The following NRG3 variants were observed in gnomAD, a reference collection of about 807,000 sequenced individuals.
NRG3 encodes the protein pro-neuregulin-3, membrane-bound isoform.
Under a neutral mutation model 66.9 loss-of-function variants are expected in NRG3, and 31 were observed. The ratio of observed to expected loss-of-function variants is 0.46; its 90% CI spans 0.35 to 0.63. NRG3 has a LOEUF of 0.63. Ranked by LOEUF, NRG3 falls within the 20% of genes least tolerant of loss-of-function variation. NRG3 has a pLI of 0.00. For synonymous variants in NRG3, 393 were observed against 359.4 expected, an observed-to-expected ratio of 1.09 and a Z score of -1.06; for missense variants, 910 against 878.9, an observed-to-expected ratio of 1.04 and a Z score of -0.45.
At chr10:82,225,893 G>A (rs1171402442) in intron 1 of NRG3, among the ~76,000 whole-genome samples, 1 of 152,076 alleles carries the variant, frequency 6.6e-6, no homozygotes, top group African/African-American at 2.4e-5. Flanking sequence ...TTAAGATCAC[G>A]TGGCATATTT....
chr10:81,987,420 C>A (rs1159123578), intron 1 of NRG3, among the ~76,000 whole-genome samples: 1 of 152,108 alleles, frequency 6.6e-6, no homozygotes, highest in Non-Finnish European at 1.5e-5. Flanking sequence ...AGAAATAAAA[C>A]CTTTATTTTT....
chr10:81,875,351 G>T lies in NRG3; in HGVS notation c.11G>T (p.Gly4Val). The T allele has an allele frequency of 1.0e-6, 1 of 989,254 alleles. No homozygotes were observed. The highest frequency in any genetic ancestry group is 1.2e-6 in the Non-Finnish European group (1 of 833,934). 61.3% of individuals were successfully genotyped at this position (989,254 alleles called of 1,614,324 possible). Reference protein sequence around the residue: MSEGAAAASPPGAA... With the variant: MSEVAAAASPPGAA... ...AGACCGGCTCCTAGGATGAGTGAAG[G>T]GGCGGCCGCTGCCTCGCCACCTGGT... The change falls in exon 1 of 9, where the codon GGG (glycine) becomes GTG (valine). Residue 4 changes from glycine to valine, a missense_variant. Gly to Val is a moderately radical substitution (Grantham distance 109). Coordinates refer to ENST00000372141, the MANE Select transcript of NRG3 (RefSeq NM_001010848.4). The surrounding 1 kb of genome is among the most constrained non-coding windows in gnomAD (Gnocchi z 5.3).
chr10:82,607,929 T>G (rs2133461436), intron 2 of NRG3, among the ~76,000 whole-genome samples: 1 of 152,286 alleles, frequency 6.6e-6, no homozygotes, highest in East Asian at 1.9e-4. Flanking sequence ...TTTCCATGAG[T>G]TACAATGACC....
chr10:82,943,636 A>G (rs1382331680), intron 4 of NRG3, among the ~76,000 whole-genome samples: 1 of 152,184 alleles, frequency 6.6e-6, no homozygotes, highest in Non-Finnish European at 1.5e-5. Context: ...ATCCCAGAAG[A>G]TGGGATGGTG....
intron 1 of NRG3, among the ~76,000 whole-genome samples, chr10:81,964,069 A>G (rs1015981693): frequency 6.6e-6 from 1 of 152,086 alleles, no homozygotes; most frequent in Non-Finnish European, 1.5e-5. Flanking sequence ...ATCTGCATCC[A>G]TTTTCCCATG....
chr10:82,673,428 A>G (rs944940865), intron 2 of NRG3, among the ~76,000 whole-genome samples: 2 of 152,236 alleles, frequency 1.3e-5, no homozygotes, highest in African/African-American at 4.8e-5. Flanking sequence ...CAATTAGCCT[A>G]TAGTAAAATT....
rs535797309 is a variant in NRG3 at position 82,764,466 on chromosome 10, G to A, written c.1027+25816G>A. ...GGCTCACTGCAACCTGTGTTCAAGC[G>A]ATTCTCCTGCCTCAGCCTCCCGAGT... On this transcript the variant is annotated intron_variant, in intron 3 of 8. Coordinates refer to ENST00000372141, the MANE Select transcript of NRG3 (RefSeq NM_001010848.4). Among the ~76,000 whole-genome samples the A allele has an allele frequency of 6.0e-5, 9 of 149,654 alleles. No individual in the cohort carries two copies. The East Asian group carries it at 7.9e-4, about 13-fold the overall frequency.
chr10:82,919,060 G>A (rs1262784058), intron 4 of NRG3, among the ~76,000 whole-genome samples: 1 of 116,652 alleles, frequency 8.6e-6, no homozygotes. Flanking sequence ...GAATAGGGGT[G>A]GAGTGTGTGT....
At chr10:82,422,736 T>C (rs1389143229) in intron 2 of NRG3, among the ~76,000 whole-genome samples, 1 of 152,056 alleles carries the variant, frequency 6.6e-6, no homozygotes, top group Non-Finnish European at 1.5e-5. Context: ...TGTTTTGTTT[T>C]GGGAAGAACT....
chr10:82,893,684 C>CA (rs939493929), intron 4 of NRG3, among the ~76,000 whole-genome samples: 87 of 143,092 alleles, frequency 6.1e-4, no homozygotes, highest in African/African-American at 1.4e-3. Context: ...GAGACTTTGT[C>CA]AAAAAAAAAA....
intron 1 of NRG3, among the ~76,000 whole-genome samples, chr10:82,152,994 A>G (rs1283841362): frequency 6.6e-6 from 1 of 152,064 alleles, no homozygotes; most frequent in Admixed American, 6.6e-5. Context: ...ACGCGCACAC[A>G]CACATTGTAG....
At chr10:82,262,139 C>G (rs774029622) in intron 1 of NRG3, among the ~76,000 whole-genome samples, 1 of 152,172 alleles carries the variant, frequency 6.6e-6, no homozygotes, top group South Asian at 2.1e-4. Flanking sequence ...ATTACTTACC[C>G]AGCCTTAGGT....
intron 3 of NRG3, among the ~76,000 whole-genome samples, chr10:82,834,250 A>AT (rs1343816802): frequency 6.6e-6 from 1 of 152,036 alleles, no homozygotes; most frequent in Non-Finnish European, 1.5e-5. Context: ...GAGCCCACTG[A>AT]TTTTTTAATC....
chr10:82,637,450 C>A (rs532177342), intron 2 of NRG3, among the ~76,000 whole-genome samples: 75 of 152,250 alleles, frequency 4.9e-4, no homozygotes, highest in Non-Finnish European at 9.3e-4. Flanking sequence ...AACAGTGAAT[C>A]TACATTGAAG....
Position 81,970,869 on chromosome 10 carries a change from G to T in NRG3, c.823+94706G>T, listed in dbSNP as rs547662313. On this transcript the variant is annotated intron_variant, in intron 1 of 8. Transcript: ENST00000372141. ...AAGAACACAACAGTGGCTGGGCGTG[G>T]TGACTCATGCCTGTAATCCCAGCAC... Among the ~76,000 whole-genome samples, 346 of 152,316 alleles carry T rather than the reference G, an allele frequency of 2.3e-3. 1 individual carries two copies. The highest frequency in any genetic ancestry group is 8.1e-3 in the African/African-American group (335 of 41,570).
At chr10:81,929,796 C>G (rs1002336347) in intron 1 of NRG3, among the ~76,000 whole-genome samples, 3 of 152,148 alleles carry the variant, frequency 2.0e-5, no homozygotes, top group Admixed American at 6.5e-5. Context: ...TCTGGCCAGG[C>G]ATTGGTAGTT....
At chr10:82,659,642 A>T (rs2052165217) in intron 2 of NRG3, among the ~76,000 whole-genome samples, 1 of 152,036 alleles carries the variant, frequency 6.6e-6, no homozygotes, top group African/African-American at 2.4e-5. Flanking sequence ...AGCGAGCGAG[A>T]CTCCGTCTCC....
At chr10:82,397,144 G>T (rs1262152646) in intron 2 of NRG3, among the ~76,000 whole-genome samples, 1 of 152,138 alleles carries the variant, frequency 6.6e-6, no homozygotes, top group Non-Finnish European at 1.5e-5. Flanking sequence ...CATCTTGGAA[G>T]GAAATGGTCT....
intron 2 of NRG3, among the ~76,000 whole-genome samples, chr10:82,362,345 G>A (rs1260300518): frequency 2.9e-4 from 21 of 73,470 alleles, no homozygotes; most frequent in African/African-American, 1.3e-3. Flanking sequence ...GTGTGTGTGT[G>A]TGTGTGTGTG....
Sources: gnomAD v4.1 joint callset for allele counts (sites outside exome capture counted in the v4.1 genomes callset) on GRCh38, gnomAD v4.1.1 for gene constraint, Gnocchi (gnomAD v3.1) non-coding constraint, MANE v1.5 for transcripts, NCBI Gene and HGNC (gene_info 2026-07-23, HGNC 2026-07-21) for gene names.